The following MCPH1 variants were observed in gnomAD, a reference collection of about 807,000 sequenced individuals.
MCPH1 encodes microcephalin 1.
A neutral mutation model predicts 84.5 loss-of-function variants in MCPH1; 104 were observed. That is an observed-to-expected ratio of 1.23 (90% CI 1.05 to 1.45). MCPH1 has a LOEUF of 1.45. Among genes scored for constraint, MCPH1 ranks in the 40% most tolerant of loss-of-function variants. The probability of loss-of-function intolerance (pLI) is 0.00; values close to 1 mark genes in which losing one functional copy is unlikely to be tolerated. For missense variants in MCPH1, 1,498 were observed against 1,005.7 expected, an observed-to-expected ratio of 1.49 and a Z score of -6.62; for synonymous variants, 514 against 366.8, an observed-to-expected ratio of 1.40 and a Z score of -4.58.
chr8:6,609,595 G>T (rs181307279), intron 12 of MCPH1, among the ~76,000 whole-genome samples: 1 of 152,182 alleles, frequency 6.6e-6, no homozygotes, highest in African/African-American at 2.4e-5. Context: ...CTGCTAGTTC[G>T]TCATGGAGAA....
intron 12 of MCPH1, among the ~76,000 whole-genome samples, chr8:6,593,977 C>T (rs573699691): frequency 6.6e-6 from 1 of 152,336 alleles, no homozygotes; most frequent in African/African-American, 2.4e-5. Flanking sequence ...TGGTGGTGAG[C>T]TCCAGGTGCC....
At position 6,645,207 on chromosome 8, in the gene MCPH1, G is replaced by A. The variant is rs1273955068; in HGVS notation, c.*2158G>A. The A allele has an allele frequency of 6.6e-6, 1 of 152,310 alleles. No homozygotes were observed. Among genetic ancestry groups the A allele is most frequent in the Non-Finnish European group, 1.5e-5 (1 of 68,052 alleles). The allele number at this position is 152,310 out of a possible 1,614,324, so 9.4% of individuals were successfully genotyped here. ...CTGCCCACCCAGGCCTCAGTCCCCA[G>A]TGTTAAGTTCTGATCCCTGATGCTG... On this transcript the variant is annotated 3_prime_UTR_variant, in exon 14 of 14. Transcript: ENST00000344683.
intron 13 of MCPH1, among the ~76,000 whole-genome samples, chr8:6,628,483 A>C (rs1169022367): frequency 2.0e-5 from 3 of 151,644 alleles, no homozygotes; most frequent in South Asian, 4.2e-4. Context: ...AAAAAAAAAA[A>C]AAAAAAAAAA....
Position 6,442,156 on chromosome 8 carries a change from G to T in MCPH1, c.670G>T (p.Asp224Tyr), listed in dbSNP as rs1803612213. ...CATTTCACGTGATACTTTGTGTTCAGGTAAAATTTTTATTTTCCTTTCTGT... is the reference window on the plus strand; with the variant it reads ...CATTTCACGTGATACTTTGTGTTCATGTAAAATTTTTATTTTCCTTTCTGT... ...LNISRDTLCS[D>Y]EYFAGGLHSS... Residue 224 changes from aspartate (D) to tyrosine (Y), a missense_variant and splice_region_variant, in exon 7 of 14, where the codon GAT becomes TAT. Transcript: ENST00000344683. 4 of 1,594,980 alleles carry T rather than the reference G, an allele frequency of 2.5e-6. No individual in the cohort carries two copies. The African/African-American group carries it at 5.4e-5, about 21-fold the overall frequency.
intron 12 of MCPH1, among the ~76,000 whole-genome samples, chr8:6,551,534 G>A (rs1823651559): frequency 6.6e-6 from 1 of 152,144 alleles, no homozygotes; most frequent in South Asian, 2.1e-4. Context: ...GTTGTTTGAG[G>A]GGCTGGTGTT....
chr8:6,412,570 C>G (rs921227162), intron 2 of MCPH1, among the ~76,000 whole-genome samples: 1 of 152,190 alleles, frequency 6.6e-6, no homozygotes, highest in African/African-American at 2.4e-5. Context: ...ACTTCTGATT[C>G]ACCCTTAATC....
At position 6,444,753 on chromosome 8, in the gene MCPH1, T is replaced by G; in HGVS notation, c.1031T>G (p.Leu344Trp). ...TTATCTTCAACAAAAGGCCACCTTTTGATACATTCAAGACCCAGGAGTTCC... is the reference window on the plus strand; with the variant it reads ...TTATCTTCAACAAAAGGCCACCTTTGGATACATTCAAGACCCAGGAGTTCC... ...PTLSSTKGHLLIHSRPRSSSV... is the reference protein window; with the variant it reads ...PTLSSTKGHLWIHSRPRSSSV... Residue 344 changes from leucine to tryptophan, a missense_variant, in exon 8 of 14, where the codon TTG (leucine) becomes TGG (tryptophan). Transcript: ENST00000344683. 6.2e-7 allele frequency: 1 copy of G among 1,614,104 alleles called. No homozygotes were observed. The highest frequency in any genetic ancestry group is 8.5e-7 in the Non-Finnish European group (1 of 1,180,002).
intron 12 of MCPH1, among the ~76,000 whole-genome samples, chr8:6,588,682 A>C (rs922115742): frequency 5.3e-5 from 8 of 152,254 alleles, no homozygotes; most frequent in Non-Finnish European, 4.4e-5. Context: ...TCCTGCAGGT[A>C]CAAAGTCAAT....
intron 13 of MCPH1, among the ~76,000 whole-genome samples, chr8:6,630,118 C>G (rs568104968): frequency 2.0e-5 from 3 of 152,072 alleles, no homozygotes; most frequent in Non-Finnish European, 4.4e-5. Flanking sequence ...CTGAAGAACA[C>G]AGGAGGAAAG....
At chr8:6,576,195 A>G (rs1163094409) in intron 12 of MCPH1, among the ~76,000 whole-genome samples, 4 of 152,148 alleles carry the variant, frequency 2.6e-5, no homozygotes, top group African/African-American at 7.2e-5. Flanking sequence ...GCTCCTGGTG[A>G]TAGCTATGCA....
rs1366170964 is a variant in MCPH1 at position 6,624,792 on chromosome 8, C to T, written c.2452+3101C>T. The T allele has an allele frequency of 5.1e-6, 5 of 984,856 alleles. No individual in the cohort carries two copies. In the African/African-American group the frequency reaches 7.0e-5, roughly 14 times the overall value. The allele number at this position is 984,856 out of a possible 1,614,324, so 61.0% of individuals were successfully genotyped here. A position where few individuals can be genotyped will look rare whatever the true frequency, so the allele number is the denominator to read the frequency against. On this transcript the variant is annotated intron_variant, in intron 13 of 13. Coordinates refer to ENST00000344683, the MANE Select transcript of MCPH1 (RefSeq NM_024596.5). The stretch of plus-strand genomic sequence containing the variant: ...TACATACACACGTAAACCTACAGAA[C>T]ACACAGTCCAGGGCATTGCGTTTCC...
At chr8:6,594,809 C>CT (rs748963158) in intron 12 of MCPH1, among the ~76,000 whole-genome samples, 7 of 152,140 alleles carry the variant, frequency 4.6e-5, no homozygotes, top group Non-Finnish European at 1.0e-4. Flanking sequence ...ATGTCAGAAT[C>CT]TAAATTACAG....
At chr8:6,586,554 C>T (rs145174699) in intron 12 of MCPH1, among the ~76,000 whole-genome samples, 18 of 152,298 alleles carry the variant, frequency 1.2e-4, no homozygotes, top group East Asian at 1.2e-3. Context: ...AGCATCTACC[C>T]ACTCTGTGCC....
intron 9 of MCPH1, among the ~76,000 whole-genome samples, chr8:6,467,639 A>G (rs1409555098): frequency 1.3e-5 from 2 of 152,132 alleles, no homozygotes; most frequent in East Asian, 3.9e-4. Context: ...TCTGTTGCCC[A>G]GGCTGGAGTG....
intron 12 of MCPH1, among the ~76,000 whole-genome samples, chr8:6,552,979 C>T (rs910262537): frequency 6.6e-6 from 1 of 152,146 alleles, no homozygotes; most frequent in Non-Finnish European, 1.5e-5. Context: ...GCAGGTAGAG[C>T]ACAGAGGATT....
At chr8:6,408,143 T>C (rs1798003530) in intron 1 of MCPH1, among the ~76,000 whole-genome samples, 1 of 152,252 alleles carries the variant, frequency 6.6e-6, no homozygotes. Context: ...ATTTTACAAA[T>C]GTAAACTCTC....
chr8:6,619,312 A>T (rs1238066274), intron 12 of MCPH1: 1 of 152,292 alleles, frequency 6.6e-6, no homozygotes, highest in East Asian at 1.9e-4. Flanking sequence ...ATTGTTTGAG[A>T]CAGAGTCCTG....
At chr8:6,541,997 G>A (rs571448558) in intron 12 of MCPH1, among the ~76,000 whole-genome samples, 17 of 136,242 alleles carry the variant, frequency 1.2e-4, no homozygotes, top group African/African-American at 4.5e-4. Flanking sequence ...GACAGAATGA[G>A]ACTCAATCTC....
At chr8:6,515,795 G>C (rs754085339) in intron 12 of MCPH1, among the ~76,000 whole-genome samples, 42 of 152,190 alleles carry the variant, frequency 2.8e-4, no homozygotes, top group Non-Finnish European at 4.0e-4. Flanking sequence ...GTCTTTTTGA[G>C]AATAATGGAG....
Sources: gnomAD v4.1 joint callset for allele counts (sites outside exome capture counted in the v4.1 genomes callset) on GRCh38, gnomAD v4.1.1 for gene constraint, MANE v1.5 for transcripts, NCBI Gene and HGNC (gene_info 2026-07-23, HGNC 2026-07-21) for gene names.